The following PLCL2 variants were observed in gnomAD, a reference collection of about 807,000 sequenced individuals.
The protein encoded by PLCL2 is phospholipase C like 2.
PLCL2 carries 4 observed loss-of-function variants against 79.6 expected under a neutral mutation model. The ratio of observed to expected loss-of-function variants is 0.05; its 90% CI spans 0.02 to 0.11. The LOEUF (loss-of-function observed/expected upper bound fraction) is 0.11, where lower values mean the gene tolerates loss of function less well. Ranked by LOEUF, PLCL2 falls within the 10% of genes least tolerant of loss-of-function variation. The probability of loss-of-function intolerance (pLI) is 1.00; values close to 1 mark genes in which losing one functional copy is unlikely to be tolerated. For synonymous variants in PLCL2, 484 were observed against 457.7 expected (o/e 1.06, Z -0.73); for missense variants, 895 against 1,291.0 (o/e 0.69, Z 4.70).
intron 1 of PLCL2, among the ~76,000 whole-genome samples, chr3:16,985,026 A>C (rs1471252664): frequency 1.3e-5 from 2 of 152,192 alleles, no homozygotes; most frequent in Non-Finnish European, 2.9e-5. Context: ...ATGAAGTATA[A>C]GCACAAGAAG....
chr3:16,916,517 A>G (rs572427241), intron 1 of PLCL2, among the ~76,000 whole-genome samples: 2 of 152,318 alleles, frequency 1.3e-5, no homozygotes, highest in South Asian at 2.1e-4. Context: ...TTTGAGTTCA[A>G]TATTGCCAAA....
At chr3:16,910,730 C>T (rs925713285) in intron 1 of PLCL2, among the ~76,000 whole-genome samples, 2 of 152,046 alleles carry the variant, frequency 1.3e-5, no homozygotes, top group Non-Finnish European at 2.9e-5. Context: ...CCTACTAGAT[C>T]TTTCACTTTT....
intron 1 of PLCL2, among the ~76,000 whole-genome samples, chr3:17,002,353 T>G (rs2064219849): frequency 1.3e-5 from 2 of 152,258 alleles, no homozygotes; most frequent in Non-Finnish European, 2.9e-5. Context: ...ATCCCCTTTC[T>G]CTCTTTCTGT....
At chr3:16,997,830 G>A (rs1029840633) in intron 1 of PLCL2, among the ~76,000 whole-genome samples, 2 of 152,062 alleles carry the variant, frequency 1.3e-5, no homozygotes, top group African/African-American at 2.4e-5. Context: ...GAGCCACTGT[G>A]TCCAGCCACA....
intron 1 of PLCL2, among the ~76,000 whole-genome samples, chr3:16,924,604 C>G (rs1390675864): frequency 6.6e-6 from 1 of 152,174 alleles, no homozygotes; most frequent in Non-Finnish European, 1.5e-5. Context: ...CCTGAGCATG[C>G]ACTCGGCCCT....
chr3:16,948,926 C>G (rs1205784534), intron 1 of PLCL2, among the ~76,000 whole-genome samples: 1 of 152,026 alleles, frequency 6.6e-6, no homozygotes, highest in Non-Finnish European at 1.5e-5. Flanking sequence ...TGCATTGTCT[C>G]GAGGTCAACT....
At chr3:17,055,661 T>C (rs955617142) in intron 4 of PLCL2, among the ~76,000 whole-genome samples, 4 of 152,160 alleles carry the variant, frequency 2.6e-5, no homozygotes, top group African/African-American at 9.7e-5. Context: ...TGCAGTCTCT[T>C]TACATCATTC....
intron 3 of PLCL2, among the ~76,000 whole-genome samples, chr3:17,017,841 G>A (rs2064403656): frequency 6.6e-6 from 1 of 152,100 alleles, no homozygotes; most frequent in Non-Finnish European, 1.5e-5. Flanking sequence ...TAATAAAATA[G>A]TATTTCAGAA....
At chr3:16,974,438 G>C (rs1051101372) in intron 1 of PLCL2, among the ~76,000 whole-genome samples, 3 of 152,124 alleles carry the variant, frequency 2.0e-5, no homozygotes, top group African/African-American at 7.2e-5. Flanking sequence ...AGAAGGAAGA[G>C]TGGGTTGGTC....
At chr3:17,047,457 C>T (rs2064793009) in intron 4 of PLCL2, among the ~76,000 whole-genome samples, 1 of 152,290 alleles carries the variant, frequency 6.6e-6, no homozygotes, top group African/African-American at 2.4e-5. Context: ...GATGACCCAG[C>T]CCTCTCCACA....
intron 1 of PLCL2, among the ~76,000 whole-genome samples, chr3:16,903,613 G>A (rs1696680230): frequency 3.9e-5 from 6 of 152,328 alleles, no homozygotes; most frequent in Middle Eastern, 3.4e-3. Context: ...TGTGGAATCG[G>A]TAGGAGTTCT....
intron 5 of PLCL2, among the ~76,000 whole-genome samples, chr3:17,087,731 G>C (rs1239309861): frequency 6.6e-6 from 1 of 152,140 alleles, no homozygotes; most frequent in Non-Finnish European, 1.5e-5. Flanking sequence ...TACTAGAGAA[G>C]GTTTGCGTAG....
At chr3:17,061,607 A>T (rs1166147925) in intron 4 of PLCL2, among the ~76,000 whole-genome samples, 4 of 152,212 alleles carry the variant, frequency 2.6e-5, no homozygotes, top group East Asian at 1.9e-4. Flanking sequence ...TTGGAAAATT[A>T]TGTGTAATCA....
rs909458553 is a variant in PLCL2, at chr3:17,009,411, C to T, written c.328-263C>T. On this transcript the variant is annotated intron_variant, in intron 1 of 5. Coordinates refer to ENST00000615277, the MANE Select transcript of PLCL2 (RefSeq NM_001144382.2). The surrounding 1 kb of genome is among the most constrained non-coding windows in gnomAD (Gnocchi z 4.0). ...TGCTGAGTTTATAGGTGTGAACCTCCGTCCCTGGCCTGAAATTGTTCTTCT... is the reference window on the plus strand; with the variant it reads ...TGCTGAGTTTATAGGTGTGAACCTCTGTCCCTGGCCTGAAATTGTTCTTCT... 1.3e-5 allele frequency among the ~76,000 whole-genome samples: 2 copies of T among 152,082 alleles called. No individual in the cohort carries two copies. The highest frequency in any genetic ancestry group is 2.4e-5 in the African/African-American group (1 of 41,400).
chr3:17,076,743 T>G (rs1007525892), intron 5 of PLCL2, among the ~76,000 whole-genome samples: 4 of 152,124 alleles, frequency 2.6e-5, no homozygotes, highest in Non-Finnish European at 5.9e-5. Context: ...CCTCAAACAA[T>G]CCTCCCACTT....
intron 1 of PLCL2, among the ~76,000 whole-genome samples, chr3:16,969,631 T>C (rs1421090660): frequency 6.6e-6 from 1 of 152,042 alleles, no homozygotes; most frequent in African/African-American, 2.4e-5. Flanking sequence ...GTCTTCTCTT[T>C]TTTCTTCTCT....
chr3:17,082,314 T>G (rs1195172140), intron 5 of PLCL2, among the ~76,000 whole-genome samples: 4 of 152,088 alleles, frequency 2.6e-5, no homozygotes, highest in East Asian at 3.9e-4. Flanking sequence ...AGCTAATTTT[T>G]TTTTTTTGTA....
intron 5 of PLCL2, among the ~76,000 whole-genome samples, chr3:17,083,487 T>C (rs1358115329): frequency 6.6e-6 from 1 of 152,138 alleles, no homozygotes; most frequent in East Asian, 1.9e-4. Flanking sequence ...GGACTTTGAC[T>C]CTCACTCTAA....
chr3:16,904,545 G>A (rs1696707853), intron 1 of PLCL2, among the ~76,000 whole-genome samples: 1 of 152,126 alleles, frequency 6.6e-6, no homozygotes, highest in African/African-American at 2.4e-5. Flanking sequence ...AACATGATGT[G>A]TATGCTGCTG....
Sources: gnomAD v4.1 joint callset for allele counts (sites outside exome capture counted in the v4.1 genomes callset) on GRCh38, gnomAD v4.1.1 for gene constraint, Gnocchi (gnomAD v3.1) non-coding constraint, MANE v1.5 for transcripts, NCBI Gene and HGNC (gene_info 2026-07-23, HGNC 2026-07-21) for gene names.